Variants in AR observed in about 807,000 individuals in gnomAD.
The protein encoded by AR is dihydrotestosterone receptor.
A neutral mutation model predicts 53.9 loss-of-function variants in AR; 8 were observed. The ratio of observed to expected loss-of-function variants is 0.15; its 90% CI spans 0.09 to 0.27. The LOEUF (loss-of-function observed/expected upper bound fraction) is 0.27. Ranked by LOEUF, AR falls within the 10% of genes least tolerant of loss-of-function variation. AR has a pLI of 1.00. For synonymous variants in AR, 359 were observed against 316.4 expected (o/e 1.13, Z -1.43); for missense variants, 639 against 742.5 (o/e 0.86, Z 1.62).
At chrX:67,554,701 C>T (rs778123499) in intron 1 of AR, among the ~76,000 whole-genome samples, 23 of 110,947 alleles carry the variant, frequency 2.1e-4, no homozygotes, top group Non-Finnish European at 4.2e-4. Flanking sequence ...TTTGGGAGGC[C>T]GAGGTGGGTG....
intron 2 of AR, among the ~76,000 whole-genome samples, chrX:67,654,321 G>C (rs1302603919): frequency 9.0e-6 from 1 of 111,304 alleles, no homozygotes; most frequent in Non-Finnish European, 1.9e-5. Flanking sequence ...ATAAGAGATG[G>C]TATCTATGGT....
intron 1 of AR, among the ~76,000 whole-genome samples, chrX:67,565,990 GC>G (rs1174023735): frequency 6.3e-5 from 7 of 111,842 alleles, no homozygotes; most frequent in Admixed American, 1.9e-4. Flanking sequence ...ACTGCTCCCA[GC>G]CCCAGACCAT....
intron 1 of AR, among the ~76,000 whole-genome samples, chrX:67,550,561 C>T (rs753100508): frequency 5.1e-4 from 56 of 109,310 alleles, no homozygotes; most frequent in Non-Finnish European, 7.8e-4. Flanking sequence ...CAGTTTCATT[C>T]GGAACCTTGC....
intron 2 of AR, chrX:67,680,571 A>G (rs1425546408): frequency 7.7e-6 from 2 of 261,186 alleles, no homozygotes; most frequent in East Asian, 2.1e-4. Context: ...CATTAACACC[A>G]TATATATAAA....
rs1273695865 is a variant in AR, at chrX:67,727,351, G to A, written c.*3510G>A. On this transcript the variant is annotated 3_prime_UTR_variant, in exon 8 of 8. Coordinates refer to ENST00000374690, the MANE Select transcript of AR (RefSeq NM_000044.6). ...TATAGAGAGCTTCATTCTGTCCTTT[G>A]GGTAGTTGCTGAGGTAATTGTCCAG... is the stretch of plus-strand genomic sequence containing the variant. 5.9e-6 allele frequency: 1 copy of A among 169,630 alleles called. No homozygotes were observed. The highest frequency in any genetic ancestry group is 8.5e-5 in the East Asian group (1 of 11,782). The allele number at this position is 169,630 out of a possible 1,213,427, so 14.0% of individuals were successfully genotyped here. A position where few individuals can be genotyped will look rare whatever the true frequency, so the allele number is the denominator to read the frequency against.
intron 1 of AR, among the ~76,000 whole-genome samples, chrX:67,570,568 G>A (rs906066777): frequency 1.6e-4 from 18 of 111,399 alleles, no homozygotes; most frequent in African/African-American, 5.5e-4. Context: ...CATGATGTCA[G>A]TGAAGTAAAT....
At chrX:67,720,280 A>G (rs2076130211) in intron 5 of AR, among the ~76,000 whole-genome samples, 1 of 108,013 alleles carries the variant, frequency 9.3e-6, no homozygotes. Flanking sequence ...TCTCCCTAGT[A>G]TTTTTCCCCT....
intron 2 of AR, among the ~76,000 whole-genome samples, chrX:67,682,784 T>C (rs1353634476): frequency 8.9e-6 from 1 of 111,895 alleles, no homozygotes; most frequent in Non-Finnish European, 1.9e-5. Context: ...GAGAAGTGAC[T>C]TGGAAGCAGT....
At chrX:67,568,849 C>A in intron 1 of AR, 1 of 1,157,400 alleles carries the variant, frequency 8.6e-7, no homozygotes, top group Non-Finnish European at 1.2e-6. Flanking sequence ...GTGCTGCGAG[C>A]AGAGAGGGAT....
intron 2 of AR, among the ~76,000 whole-genome samples, chrX:67,658,841 C>T (rs1466468155): frequency 8.9e-6 from 1 of 111,973 alleles, no homozygotes; most frequent in Non-Finnish European, 1.9e-5. Context: ...AAGGTTCACA[C>T]CAGTAATCAA....
At chrX:67,709,636 C>G (rs2076085211) in intron 3 of AR, among the ~76,000 whole-genome samples, 1 of 112,063 alleles carries the variant, frequency 8.9e-6, no homozygotes, top group African/African-American at 3.2e-5. Context: ...TGGTGCACTG[C>G]ACCCACTGTC....
intron 7 of AR, among the ~76,000 whole-genome samples, chrX:67,723,353 TCA>T (rs1491418880): frequency 1.7e-3 from 164 of 94,793 alleles, no homozygotes; most frequent in African/African-American, 5.6e-3. Context: ...TGTGTGTGTG[TCA>T]GAGAGAGAGA....
intron 3 of AR, among the ~76,000 whole-genome samples, chrX:67,705,093 T>A (rs1207260858): frequency 9.0e-6 from 1 of 111,584 alleles, no homozygotes; most frequent in Non-Finnish European, 1.9e-5. Flanking sequence ...ACCTCCAGCT[T>A]TGTTCTTTTG....
At chrX:67,722,435 T>C (rs1413300372) in intron 6 of AR, among the ~76,000 whole-genome samples, 1 of 111,998 alleles carries the variant, frequency 8.9e-6, no homozygotes, top group Non-Finnish European at 1.9e-5. Flanking sequence ...TAATATCTTT[T>C]CTAAGAGCCC....
At chrX:67,562,122 A>C (rs763429870) in intron 1 of AR, among the ~76,000 whole-genome samples, 1 of 106,525 alleles carries the variant, frequency 9.4e-6, no homozygotes, top group South Asian at 4.3e-4. Flanking sequence ...TTTATTATTT[A>C]TTTATTTCTT....
chrX:67,668,423 T>C (rs1410271340), intron 2 of AR, among the ~76,000 whole-genome samples: 1 of 111,822 alleles, frequency 8.9e-6, no homozygotes, highest in Non-Finnish European at 1.9e-5. Context: ...CACTTAGTCA[T>C]GGTGAATGAA....
intron 1 of AR, among the ~76,000 whole-genome samples, chrX:67,607,819 C>T (rs1307523744): frequency 8.9e-6 from 1 of 111,828 alleles, no homozygotes; most frequent in Non-Finnish European, 1.9e-5. Context: ...GTAACAGAAT[C>T]ATATGGGACC....
At chrX:67,685,482 C>T (rs1425245206) in intron 2 of AR, among the ~76,000 whole-genome samples, 1 of 111,116 alleles carries the variant, frequency 9.0e-6, no homozygotes, top group East Asian at 2.8e-4. Context: ...GGTATGATCA[C>T]CAGCAATCTA....
At chrX:67,591,867 A>T (rs1922847655) in intron 1 of AR, among the ~76,000 whole-genome samples, 1 of 111,982 alleles carries the variant, frequency 8.9e-6, no homozygotes, top group African/African-American at 3.2e-5. Flanking sequence ...CCTTAAATAA[A>T]CAAGACATAC....
Sources: allele counts gnomAD v4.1 joint callset (sites outside exome capture counted in the v4.1 genomes callset), GRCh38; gene constraint gnomAD v4.1.1; transcripts MANE v1.5; gene names NCBI Gene and HGNC (gene_info 2026-07-23, HGNC 2026-07-21).